The following STRBP variants were observed in gnomAD, a reference collection of about 807,000 sequenced individuals.
The protein encoded by STRBP is spermatid perinuclear RNA-binding protein.
STRBP carries 13 observed loss-of-function variants against 80.1 expected under a neutral mutation model. The observed-to-expected ratio is 0.16, with a 90% CI of 0.11 to 0.26. The LOEUF (loss-of-function observed/expected upper bound fraction) is 0.26. STRBP is among the 10% of genes least tolerant of loss of function. The pLI is 1.00. For synonymous variants in STRBP, 284 were observed against 291.2 expected (o/e 0.98, Z 0.25); for missense variants, 485 against 815.2 (o/e 0.59, Z 4.93).
At chr9:123,238,117 A>G (rs868488636) in intron 1 of STRBP, among the ~76,000 whole-genome samples, 30 of 152,244 alleles carry the variant, frequency 2.0e-4, no homozygotes, top group African/African-American at 7.2e-4. Context: ...AGCAAAGTGC[A>G]TAGCACACAG....
At chr9:123,217,021 T>C (rs1193767972) in intron 2 of STRBP, among the ~76,000 whole-genome samples, 1 of 152,238 alleles carries the variant, frequency 6.6e-6, no homozygotes, top group African/African-American at 2.4e-5. Flanking sequence ...CTGCCTTATC[T>C]GCTTCTCAAG....
At position 123,267,776 on chromosome 9, in the gene STRBP, C is replaced by G. The variant is rs545884080; in HGVS notation, c.-302+660G>C. Among the ~76,000 whole-genome samples, 11 of 151,582 alleles carry G rather than the reference C, an allele frequency of 7.3e-5. No individual in the cohort carries two copies. In the South Asian group the frequency reaches 2.3e-3, roughly 32 times the overall value. ...CTGGCACGCAGCGCTCCTTCCAGTCCTGCTCGAGTCCCCAGTCTTCTCCCT... is the reference window on the plus strand; with the variant it reads ...CTGGCACGCAGCGCTCCTTCCAGTCGTGCTCGAGTCCCCAGTCTTCTCCCT... On this transcript the variant is annotated intron_variant, in intron 1 of 18. Transcript: ENST00000348403.
downstream of STRBP, among the ~76,000 whole-genome samples, chr9:123,116,790 C>T (rs1253916009): frequency 2.6e-5 from 4 of 152,150 alleles, no homozygotes; most frequent in East Asian, 1.9e-4. Flanking sequence ...GGGTGAGCGC[C>T]GCCACTCACC....
intron 2 of STRBP, among the ~76,000 whole-genome samples, chr9:123,213,081 A>G (rs943073181): frequency 6.6e-6 from 1 of 152,210 alleles, no homozygotes; most frequent in Non-Finnish European, 1.5e-5. Context: ...CTGTTTCCTG[A>G]AAAATAATCA....
At chr9:123,175,693 T>A (rs530873696) in intron 4 of STRBP, among the ~76,000 whole-genome samples, 1 of 152,322 alleles carries the variant, frequency 6.6e-6, no homozygotes, top group South Asian at 2.1e-4. Context: ...TGTAATGGTT[T>A]ATAAATTATC....
At position 123,161,086 on chromosome 9, in the gene STRBP, TAAAG is replaced by T; in HGVS notation, c.536-22_536-19del. ...AACATTTTCTAACAGTAAAATGGGA[TAAAG>T]AGAGACAAATACAATTTGACCAAGC... On this transcript the variant is annotated intron_variant, in intron 6 of 18. Coordinates refer to ENST00000348403, the MANE Select transcript of STRBP (RefSeq NM_018387.5). The T allele has an allele frequency of 6.4e-7, 1 of 1,554,208 alleles. No homozygotes were observed. The highest frequency in any genetic ancestry group is 8.8e-7 in the Non-Finnish European group (1 of 1,138,034).
chr9:123,146,741 A>G (rs1157537120), intron 13 of STRBP, 114 bp downstream of exon 13: 1 of 917,492 alleles, frequency 1.1e-6, no homozygotes, highest in Non-Finnish European at 1.5e-6. Flanking sequence ...AAGTCTATAT[A>G]TAATATTATT....
chr9:123,180,802 C>T (rs1274410038), intron 3 of STRBP: 4 of 447,234 alleles, frequency 8.9e-6, no homozygotes, highest in African/African-American at 2.1e-5. Flanking sequence ...ACAAGGATAA[C>T]TTAGTGAGTT....
At chr9:123,251,442 G>T (rs1016821332) in intron 1 of STRBP, among the ~76,000 whole-genome samples, 1 of 152,152 alleles carries the variant, frequency 6.6e-6, no homozygotes, top group African/African-American at 2.4e-5. Flanking sequence ...GTGGAATCAG[G>T]ACTCAAAATC....
chr9:123,153,274 T>C (rs2037140274), intron 11 of STRBP, among the ~76,000 whole-genome samples: 1 of 150,890 alleles, frequency 6.6e-6, no homozygotes, highest in Non-Finnish European at 1.5e-5. Context: ...CACTGCAACC[T>C]CTGCCTCCCG....
chr9:123,233,048 C>G (rs1363641409), intron 2 of STRBP, among the ~76,000 whole-genome samples: 1 of 152,158 alleles, frequency 6.6e-6, no homozygotes. Flanking sequence ...GGCACACTAA[C>G]AGTTATACAT....
intron 1 of STRBP, among the ~76,000 whole-genome samples, chr9:123,257,719 G>C (rs769454905): frequency 1.3e-5 from 2 of 152,124 alleles, no homozygotes; most frequent in African/African-American, 4.8e-5. Flanking sequence ...TCAGCAGACT[G>C]AATGGGAGGA....
intron 3 of STRBP, 47 bp downstream of exon 3, chr9:123,184,085 C>G: frequency 6.4e-7 from 1 of 1,566,490 alleles, no homozygotes; most frequent in Non-Finnish European, 8.7e-7. Context: ...TTTTAAATTA[C>G]TGGAGTCTTT....
intron 2 of STRBP, among the ~76,000 whole-genome samples, chr9:123,227,058 C>T (rs951504761): frequency 6.6e-6 from 1 of 152,144 alleles, no homozygotes; most frequent in Non-Finnish European, 1.5e-5. Flanking sequence ...TCCTCATGAT[C>T]TAAACACCTC....
chr9:123,120,686 CTT>C (rs1239587864), downstream of STRBP, among the ~76,000 whole-genome samples: 2 of 152,078 alleles, frequency 1.3e-5, no homozygotes, highest in African/African-American at 4.8e-5. Context: ...AAATTAACCA[CTT>C]TGTCCTTTGT....
At chr9:123,129,934 A>G (rs2132305214) in intron 17 of STRBP, among the ~76,000 whole-genome samples, 1 of 152,360 alleles carries the variant, frequency 6.6e-6, no homozygotes, top group South Asian at 2.1e-4. Flanking sequence ...CAGTAGGAAG[A>G]GGAGACAGAT....
chr9:123,267,015 C>A (rs967957427), intron 1 of STRBP, among the ~76,000 whole-genome samples: 1 of 151,686 alleles, frequency 6.6e-6, no homozygotes, highest in Non-Finnish European at 1.5e-5. Flanking sequence ...CCCTCCCCTC[C>A]ACCTTCCTCC....
intron 13 of STRBP, among the ~76,000 whole-genome samples, chr9:123,144,211 AAAAG>A (rs1377270136): frequency 1.8e-4 from 28 of 151,722 alleles, no homozygotes; most frequent in South Asian, 6.2e-4. Context: ...AAAAAAAAAA[AAAAG>A]AAAGAAAGAA....
intron 2 of STRBP, among the ~76,000 whole-genome samples, chr9:123,187,043 C>A (rs1048636996): frequency 2.0e-5 from 3 of 152,004 alleles, no homozygotes; most frequent in Non-Finnish European, 4.4e-5. Context: ...AGACTTTGTA[C>A]TCACTGTTCC....
Sources: gnomAD v4.1 joint callset for allele counts (sites outside exome capture counted in the v4.1 genomes callset) on GRCh38, gnomAD v4.1.1 for gene constraint, MANE v1.5 for transcripts, NCBI Gene and HGNC (gene_info 2026-07-23, HGNC 2026-07-21) for gene names.